GALNTL6: variants seen among roughly 807,000 people sequenced by gnomAD.
The protein encoded by GALNTL6 is polypeptide N-acetylgalactosaminyltransferase like 6.
A neutral mutation model predicts 73.7 loss-of-function variants in GALNTL6; 46 were observed. The observed-to-expected ratio is 0.62, with a 90% CI of 0.49 to 0.80. The LOEUF is 0.80. GALNTL6 is among the 30% of genes least tolerant of loss of function. The pLI is 0.00. For synonymous variants in GALNTL6, 259 were observed against 263.7 expected (o/e 0.98, Z 0.17); for missense variants, 604 against 755.0 (o/e 0.80, Z 2.34).
intron 7 of GALNTL6, among the ~76,000 whole-genome samples, chr4:172,828,296 A>C (rs2111045458): frequency 6.6e-6 from 1 of 151,012 alleles, no homozygotes. Context: ...AAAGAAACAA[A>C]CAAAAAAAAC....
chr4:172,326,408 G>C (rs1740943858), intron 4 of GALNTL6, among the ~76,000 whole-genome samples: 1 of 151,872 alleles, frequency 6.6e-6, no homozygotes, highest in Admixed American at 6.6e-5. Flanking sequence ...AAACATTTTG[G>C]ATTGTTATGT....
intron 5 of GALNTL6, among the ~76,000 whole-genome samples, chr4:172,719,712 A>G (rs1232487074): frequency 6.6e-6 from 1 of 152,134 alleles, no homozygotes; most frequent in African/African-American, 2.4e-5. Flanking sequence ...CCAGACCCCA[A>G]GAGAGGGTTC....
intron 2 of GALNTL6, among the ~76,000 whole-genome samples, chr4:172,194,970 C>A (rs571639622): frequency 6.6e-6 from 1 of 152,130 alleles, no homozygotes; most frequent in African/African-American, 2.4e-5. Flanking sequence ...TGAAAATGCA[C>A]TAAATACCCC....
rs547643735 is a variant in GALNTL6 at position 172,181,642 on chromosome 4, G to C, written c.139-48014G>C. On this transcript the variant is annotated intron_variant, in intron 2 of 12. Coordinates refer to ENST00000506823, the MANE Select transcript of GALNTL6 (RefSeq NM_001034845.3). The stretch of plus-strand genomic sequence containing the variant: ...GAAAGGGCATTCAAATAGGAAAGAG[G>C]AAGTCAAATTGCCTCAGTTTTCAGA... Among the ~76,000 whole-genome samples, 15 of 151,860 alleles carry C rather than the reference G, an allele frequency of 9.9e-5. No individual in the cohort carries two copies. In the East Asian group the frequency reaches 2.5e-3, roughly 26 times the overall value.
At chr4:172,938,468 T>C (rs1479989049) in intron 9 of GALNTL6, among the ~76,000 whole-genome samples, 3 of 152,252 alleles carry the variant, frequency 2.0e-5, no homozygotes, top group Non-Finnish European at 4.4e-5. Flanking sequence ...CAGAAAAAGA[T>C]ATCAGCTGAG....
At chr4:171,990,633 G>A (rs1344447471) in intron 2 of GALNTL6, among the ~76,000 whole-genome samples, 8 of 152,142 alleles carry the variant, frequency 5.3e-5, no homozygotes, top group Non-Finnish European at 1.0e-4. Context: ...TTTTAATTAT[G>A]AGCATGCATA....
chr4:172,847,729 C>T (rs528138759), intron 7 of GALNTL6, among the ~76,000 whole-genome samples: 2 of 152,240 alleles, frequency 1.3e-5, no homozygotes, highest in South Asian at 4.1e-4. Context: ...AGAAGATGAA[C>T]ATTCATGTAA....
chr4:171,974,668 A>C (rs1739667471), intron 2 of GALNTL6, among the ~76,000 whole-genome samples: 1 of 152,232 alleles, frequency 6.6e-6, no homozygotes, highest in Admixed American at 6.5e-5. Flanking sequence ...AACTAAAAGT[A>C]TGTTTTAATA....
At chr4:172,723,765 T>C (rs1335481925) in intron 5 of GALNTL6, among the ~76,000 whole-genome samples, 1 of 129,486 alleles carries the variant, frequency 7.7e-6, no homozygotes, top group East Asian at 2.2e-4. Flanking sequence ...GTATTATTGA[T>C]AGTAGAAAAA....
chr4:172,540,601 T>G (rs967014482), intron 5 of GALNTL6, among the ~76,000 whole-genome samples: 2 of 152,126 alleles, frequency 1.3e-5, no homozygotes, highest in African/African-American at 4.8e-5. Flanking sequence ...TTTATATATT[T>G]TAGGGAGACA....
chr4:172,074,766 G>A (rs1213037391), intron 2 of GALNTL6, among the ~76,000 whole-genome samples: 2 of 152,064 alleles, frequency 1.3e-5, no homozygotes, highest in African/African-American at 2.4e-5. Context: ...TTGCAAAAAC[G>A]AGAATATCAC....
Position 172,477,478 on chromosome 4 carries a change from T to G in GALNTL6, c.553+128789T>G, listed in dbSNP as rs1733280456. 2.0e-5 allele frequency among the ~76,000 whole-genome samples: 3 copies of G among 152,268 alleles called. No individual in the cohort carries two copies. In the South Asian group the frequency reaches 6.2e-4, roughly 32 times the overall value. On this transcript the variant is annotated intron_variant, in intron 5 of 12. Transcript: ENST00000506823. The stretch of plus-strand genomic sequence containing the variant: ...ATATTTCTGTTCAGTACATACACAT[T>G]TGCTATGATCTGAATGTTGTGTCCA...
chr4:171,844,077 A>G (rs1020716150), intron 2 of GALNTL6, among the ~76,000 whole-genome samples: 2 of 152,170 alleles, frequency 1.3e-5, no homozygotes, highest in African/African-American at 4.8e-5. Flanking sequence ...GTGAAATGAG[A>G]CAATGCAATT....
intron 2 of GALNTL6, among the ~76,000 whole-genome samples, chr4:172,000,370 G>T (rs1459558972): frequency 6.6e-6 from 1 of 152,150 alleles, no homozygotes; most frequent in Non-Finnish European, 1.5e-5. Context: ...GAGACCCTCT[G>T]AGGACTGCAG....
chr4:172,263,854 A>G (rs1178256456), intron 3 of GALNTL6, among the ~76,000 whole-genome samples: 1 of 150,820 alleles, frequency 6.6e-6, no homozygotes, highest in Non-Finnish European at 1.5e-5. Flanking sequence ...AGGTACCCTG[A>G]CTCTTCTCAT....
chr4:172,561,169 C>T (rs1207194037), intron 5 of GALNTL6, among the ~76,000 whole-genome samples: 1 of 142,084 alleles, frequency 7.0e-6, no homozygotes, highest in East Asian at 2.3e-4. Flanking sequence ...AGGAGAATGG[C>T]GTGAACCCGG....
chr4:173,022,309 C>T (rs753202811), intron 12 of GALNTL6, among the ~76,000 whole-genome samples: 5 of 152,132 alleles, frequency 3.3e-5, no homozygotes, highest in Non-Finnish European at 5.9e-5. Context: ...AGGGAAAAAT[C>T]GTGTGTGTAG....
chr4:172,962,935 C>G (rs918860768), intron 10 of GALNTL6, among the ~76,000 whole-genome samples: 57 of 152,164 alleles, frequency 3.7e-4, no homozygotes, highest in African/African-American at 1.3e-3. Context: ...ATTCTCAACA[C>G]AGTCCACTTA....
chr4:172,805,719 T>C (rs569753624), intron 5 of GALNTL6, among the ~76,000 whole-genome samples: 2 of 152,292 alleles, frequency 1.3e-5, no homozygotes, highest in South Asian at 4.1e-4. Context: ...ATTAAAATAA[T>C]AGAAAATTAT....
Sources: allele counts gnomAD v4.1 joint callset (sites outside exome capture counted in the v4.1 genomes callset), GRCh38; gene constraint gnomAD v4.1.1; transcripts MANE v1.5; gene names NCBI Gene and HGNC (gene_info 2026-07-23, HGNC 2026-07-21).